Variants in SRP72 observed in about 807,000 individuals in gnomAD.
SRP72 encodes the protein signal recognition particle 72.
SRP72 carries 49 observed loss-of-function variants against 96.3 expected under a neutral mutation model. That is an observed-to-expected ratio of 0.51 (90% CI 0.40 to 0.65). The LOEUF is 0.65. Ranked by LOEUF, SRP72 falls within the 30% of genes least tolerant of loss-of-function variation. SRP72 has a pLI of 0.00. For missense variants in SRP72, 736 were observed against 793.3 expected (o/e 0.93, Z 0.87); for synonymous variants, 267 against 275.2 (o/e 0.97, Z 0.30).
intron 6 of SRP72, chr4:56,477,297 C>CTT (rs1560677869): frequency 7.0e-5 from 8 of 114,820 alleles, no homozygotes; most frequent in Non-Finnish European, 8.6e-5. Context: ...CTCTCTCTCT[C>CTT]TCTCTTTTTT....
chr4:56,500,714 A>G lies in SRP72; in HGVS notation c.1838+19A>G, dbSNP rs10018091. On this transcript the variant is annotated intron_variant, in intron 18 of 18. Transcript: ENST00000642900. Reference sequence around the variant, plus strand: ...CTGAACTGTAAGTTATTGCTCCACAATTGAGGGCACTTAGAACATACGTTG... The same window carrying G: ...CTGAACTGTAAGTTATTGCTCCACAGTTGAGGGCACTTAGAACATACGTTG... 1.2e-3 allele frequency: 1,863 copies of G among 1,605,554 alleles called. 18 individuals are homozygous for G. In the African/African-American group the frequency reaches 0.023, roughly 19 times the overall value.
chr4:56,492,415 T>C lies in SRP72; in HGVS notation c.1640+847T>C, dbSNP rs75143157. On this transcript the variant is annotated intron_variant, in intron 16 of 18. Transcript: ENST00000642900. ...TTCTTCCATCGTCATCTTAAAAATA[T>C]AGTTAGCAGAGACCTACAGTAAAAT... Among the ~76,000 whole-genome samples, 585 of 152,346 alleles carry C rather than the reference T, an allele frequency of 3.8e-3. 5 individuals are homozygous for C. Among genetic ancestry groups the C allele is most frequent in the African/African-American group, 0.013 (536 of 41,578 alleles).
chr4:56,483,281 AC>A lies in SRP72; in HGVS notation c.957+13del, dbSNP rs773201621. 3 of 1,611,228 alleles carry A rather than the reference AC, an allele frequency of 1.9e-6. No homozygotes were observed. Among genetic ancestry groups the A allele is most frequent in the South Asian group, 1.1e-5 (1 of 90,564 alleles). The stretch of plus-strand genomic sequence containing the variant: ...ATGTACACAAACCAGGTGGGTAATT[AC>A]CTTTGGTGTCATGGCTAAACCTTTT... On this transcript the variant is annotated intron_variant, in intron 9 of 18. Transcript: ENST00000642900.
chr4:56,485,084 A>C (rs903204193), intron 10 of SRP72, among the ~76,000 whole-genome samples: 3 of 152,168 alleles, frequency 2.0e-5, no homozygotes, highest in Admixed American at 6.5e-5. Context: ...TTTGTTATAA[A>C]TGCTGAAGAA....
At chr4:56,484,901 C>T in intron 10 of SRP72, 37 bp downstream of exon 10, 3 of 1,594,988 alleles carry the variant, frequency 1.9e-6, no homozygotes, top group Non-Finnish European at 2.6e-6. Flanking sequence ...CAGACATTTG[C>T]AGCTTTGTTT....
At position 56,476,403 on chromosome 4, in the gene SRP72, T is replaced by C. The variant is rs549670319; in HGVS notation, c.611-268T>C. Reference sequence around the variant, plus strand: ...TATAATTGATTTTTCGCAATTAATATTTACTACATTTGTATTTTTTAATGC... The same window carrying C: ...TATAATTGATTTTTCGCAATTAATACTTACTACATTTGTATTTTTTAATGC... On this transcript the variant is annotated intron_variant, in intron 5 of 18. Transcript: ENST00000642900. 8 of 450,318 alleles carry C rather than the reference T, an allele frequency of 1.8e-5. No individual in the cohort carries two copies. In the East Asian group the frequency reaches 2.4e-4, roughly 14 times the overall value. The allele number at this position is 450,318 out of a possible 1,614,324, so 27.9% of individuals were successfully genotyped here.
intron 12 of SRP72, 68 bp from the exon 13 acceptor site, chr4:56,489,320 T>C: frequency 1.1e-6 from 1 of 884,684 alleles, no homozygotes; most frequent in Non-Finnish European, 1.7e-6. Flanking sequence ...TTCAGCGTTT[T>C]TTATTTTCAA....
chr4:56,489,544 A>G, intron 13 of SRP72, 61 bp downstream of exon 13: 1 of 1,072,006 alleles, frequency 9.3e-7, no homozygotes, highest in East Asian at 2.5e-5. Flanking sequence ...AAGATGGAGT[A>G]GTGAAAAAAT....
rs760001519 is a variant in SRP72, at chr4:56,467,718, C to T, written c.83C>T (p.Thr28Met). The change falls in exon 1 of 19, where the codon ACG becomes ATG. Residue 28 changes from threonine (T) to methionine (M), a missense_variant. Physicochemically the swap from Thr to Met is moderately conservative, Grantham distance 81. Around this residue, in one of 3 missense-constraint regions of SRP72, gnomAD observed 329 missense variants for 319.0 expected, o/e 1.03. Transcript: ENST00000642900. ...VNRYGQNGDF[T>M]RALKTVNKIL... ...CGGTATGGCCAGAACGGCGACTTCA[C>T]GCGCGCTCTCAAGACCGTCAATAAG... is the stretch of plus-strand genomic sequence containing the variant. The T allele has an allele frequency of 1.9e-6, 3 of 1,551,542 alleles. No homozygotes were observed. Among genetic ancestry groups the T allele is most frequent in the Non-Finnish European group, 2.6e-6 (3 of 1,152,312 alleles).
chr4:56,484,034 T>TC (rs1041466161), intron 9 of SRP72, among the ~76,000 whole-genome samples: 1 of 133,780 alleles, frequency 7.5e-6, no homozygotes, highest in Admixed American at 7.6e-5. Context: ...TAATTTTTTT[T>TC]TTTTTTTTTT....
intron 2 of SRP72, 46 bp downstream of exon 2, chr4:56,469,819 C>A (rs756372445): frequency 1.3e-6 from 2 of 1,519,910 alleles, no homozygotes; most frequent in Non-Finnish European, 1.8e-6. Flanking sequence ...GAAACACTTA[C>A]TATAGCTATA....
intron 1 of SRP72, among the ~76,000 whole-genome samples, chr4:56,468,881 G>A (rs1283711111): frequency 6.6e-6 from 1 of 152,126 alleles, no homozygotes; most frequent in Non-Finnish European, 1.5e-5. Flanking sequence ...TTCTTAATTG[G>A]TAGAAATTCT....
Position 56,501,754 on chromosome 4 carries a change from T to C in SRP72, c.1909T>C (p.Ser637Pro), listed in dbSNP as rs1479390017. ...RPGSAATVSA[S>P]TSNIIPPRHQ... is the part of the protein sequence containing the mutation. ...TGGCAGTGCTGCAACAGTATCTGCC[T>C]CTACAAGTAACATCATACCCCCAAG... Residue 637 changes from serine (S) to proline (P), a missense_variant, in exon 19 of 19, where the codon TCT (serine) becomes CCT (proline). Transcript: ENST00000642900. 6.2e-7 allele frequency: 1 copy of C among 1,614,076 alleles called. No individual in the cohort carries two copies. The highest frequency in any genetic ancestry group is 1.7e-5 in the Admixed American group (1 of 60,016).
chr4:56,478,435 T>A lies in SRP72; in HGVS notation c.699T>A (p.Ala233=). 6.2e-7 allele frequency: 1 copy of A among 1,613,632 alleles called. No individual in the cohort carries two copies. Among genetic ancestry groups the A allele is most frequent in the Non-Finnish European group, 8.5e-7 (1 of 1,179,994 alleles). ...AELAIIHGQM[A]YILQLQGRTE... is the part of the protein sequence containing the mutation. Reference sequence around the variant, plus strand: ...TGGCCATCATTCATGGTCAGATGGCTTATATTCTGCAGCTTCAGGGTCGAA... The same window carrying A: ...TGGCCATCATTCATGGTCAGATGGCATATATTCTGCAGCTTCAGGGTCGAA... The change falls in exon 7 of 19, where the codon GCT becomes GCA. Residue 233 remains alanine (A), a synonymous_variant. Transcript: ENST00000642900.
Position 56,474,108 on chromosome 4 carries a change from C to T in SRP72, c.409C>T (p.Arg137Ter), listed in dbSNP as rs774306354. 9 of 1,613,978 alleles carry T rather than the reference C, an allele frequency of 5.6e-6. No individual in the cohort carries two copies. The highest frequency in any genetic ancestry group is 1.1e-5 in the South Asian group (1 of 91,068). ...CTTAGCAGTGTATAGAGATCTCGTC[C>T]GAAACTCCCAAGATGATTATGATGA... ...ECLAVYRDLV[R>*]NSQDDYDEER... The change falls in exon 4 of 19, where the codon CGA (arginine) becomes TGA (stop). Residue 137 changes from arginine to a stop codon, truncating the protein, a stop_gained. Coordinates refer to ENST00000642900, the MANE Select transcript of SRP72 (RefSeq NM_006947.4). LOFTEE classifies it high-confidence loss of function.
intron 17 of SRP72, among the ~76,000 whole-genome samples, chr4:56,497,592 T>C (rs576415229): frequency 3.9e-5 from 6 of 152,280 alleles, no homozygotes; most frequent in Admixed American, 3.9e-4. Flanking sequence ...TCTTCATTGA[T>C]AGATATTTAA....
At chr4:56,472,440 G>C (rs1720014551) in intron 3 of SRP72, among the ~76,000 whole-genome samples, 1 of 151,162 alleles carries the variant, frequency 6.6e-6, no homozygotes, top group African/African-American at 2.4e-5. Flanking sequence ...CTGACTCCCA[G>C]GTTCAAGCGA....
At position 56,490,642 on chromosome 4, in the gene SRP72, A is replaced by G. The variant is rs757663185; in HGVS notation, c.1499A>G (p.Lys500Arg). Residue 500 changes from lysine to arginine, a missense_variant, in exon 15 of 19, where the codon AAA (lysine) becomes AGA (arginine). Lys to Arg is a conservative substitution (Grantham distance 26). This residue lies in a region of SRP72 where 388 missense variants were observed against 431.8 expected (regional missense o/e 0.90). Coordinates refer to ENST00000642900, the MANE Select transcript of SRP72 (RefSeq NM_006947.4). ...AYSLVDPEKA[K>R]ALSKHLPSSD... ...TCACTTGTAGATCCAGAGAAAGCCA[A>G]AGCGTATCCTTTTGATTGTTATTCC... The G allele has an allele frequency of 6.2e-7, 1 of 1,613,338 alleles. No homozygotes were observed. Among genetic ancestry groups the G allele is most frequent in the Non-Finnish European group, 8.5e-7 (1 of 1,179,416 alleles).
chr4:56,476,426 T>C (rs1720225396), intron 5 of SRP72: 1 of 497,504 alleles, frequency 2.0e-6, no homozygotes, highest in African/African-American at 2.0e-5. Context: ...TATTTTTTAA[T>C]GCACTTTACA....
Sources: allele counts gnomAD v4.1 joint callset (sites outside exome capture counted in the v4.1 genomes callset), GRCh38; gene constraint gnomAD v4.1.1; regional missense constraint gnomAD v4.1.1; transcripts MANE v1.5; gene names NCBI Gene and HGNC (gene_info 2026-07-23, HGNC 2026-07-21).